The following STAG1 variants were observed in gnomAD, a reference collection of about 807,000 sequenced individuals.
STAG1 encodes cohesin subunit SA-1.
STAG1 carries 26 observed loss-of-function variants against 170.9 expected under a neutral mutation model. The observed-to-expected ratio is 0.15, with a 90% CI of 0.11 to 0.21. The LOEUF (loss-of-function observed/expected upper bound fraction) is 0.21, where lower values mean the gene tolerates loss of function less well. STAG1 is among the 10% of genes least tolerant of loss of function. STAG1 has a pLI of 1.00. For missense variants in STAG1, 964 were observed against 1,509.5 expected (o/e 0.64, Z 5.99); for synonymous variants, 514 against 497.7 (o/e 1.03, Z -0.44).
rs769130382 is a variant in STAG1, at chr3:136,338,296, A to G, written c.3754-19T>C. 1.1e-5 allele frequency: 18 copies of G among 1,601,840 alleles called. No individual in the cohort carries two copies. Among genetic ancestry groups the G allele is most frequent in the Non-Finnish European group, 1.5e-5 (18 of 1,169,828 alleles). On this transcript the variant is annotated intron_variant, in intron 33 of 33. Coordinates refer to ENST00000383202, the MANE Select transcript of STAG1 (RefSeq NM_005862.3). ...CAAATCCCTAGAAAAATGATGAGAA[A>G]CATAATTATTAATTTCATGCATAAA...
chr3:136,465,129 T>C (rs1457491389), intron 12 of STAG1, 141 bp from the exon 13 acceptor site: 2 of 555,992 alleles, frequency 3.6e-6, no homozygotes, highest in Non-Finnish European at 6.0e-6. Flanking sequence ...TTGAAAGTAA[T>C]GTTTCCCCTT....
chr3:136,569,697 G>C (rs966420634), intron 4 of STAG1, among the ~76,000 whole-genome samples: 1 of 151,826 alleles, frequency 6.6e-6, no homozygotes, highest in Non-Finnish European at 1.5e-5. Context: ...AATTTGACAA[G>C]GTAGCTGACA....
intron 1 of STAG1, among the ~76,000 whole-genome samples, chr3:136,705,375 TCAAACACACACA>T (rs1232007537): frequency 3.9e-5 from 4 of 102,630 alleles, no homozygotes; most frequent in Non-Finnish European, 7.4e-5. Flanking sequence ...CACATGATCA[TCAAACACACACA>T]CACACACACA....
At chr3:136,648,393 T>C (rs1382103817) in intron 1 of STAG1, among the ~76,000 whole-genome samples, 3 of 152,216 alleles carry the variant, frequency 2.0e-5, no homozygotes, top group Non-Finnish European at 4.4e-5. Flanking sequence ...GTAAAAAGGT[T>C]GTTAACATTA....
At chr3:136,546,566 G>T (rs1038266004) in intron 5 of STAG1, among the ~76,000 whole-genome samples, 2 of 152,060 alleles carry the variant, frequency 1.3e-5, no homozygotes, top group Admixed American at 1.3e-4. Context: ...ACCTTTCATC[G>T]CATGGTATGG....
chr3:136,416,931 C>T (rs1344258046), intron 21 of STAG1, among the ~76,000 whole-genome samples: 1 of 151,322 alleles, frequency 6.6e-6, no homozygotes, highest in Non-Finnish European at 1.5e-5. Context: ...CTCCAACCTC[C>T]GTCTCCCAGG....
At chr3:136,446,643 G>A (rs561642730) in intron 14 of STAG1, among the ~76,000 whole-genome samples, 1 of 152,102 alleles carries the variant, frequency 6.6e-6, no homozygotes, top group East Asian at 1.9e-4. Flanking sequence ...GGCTGGTCCT[G>A]AACTCCTGAC....
intron 6 of STAG1, among the ~76,000 whole-genome samples, chr3:136,541,046 T>C (rs1175299137): frequency 1.3e-5 from 2 of 152,100 alleles, no homozygotes; most frequent in Middle Eastern, 3.4e-3. Flanking sequence ...AACTAGTAGT[T>C]CCCAAGCTTT....
At chr3:136,463,298 C>T (rs1411105484) in intron 13 of STAG1, among the ~76,000 whole-genome samples, 2 of 152,038 alleles carry the variant, frequency 1.3e-5, no homozygotes, top group African/African-American at 4.8e-5. Context: ...TTGAGAGGTA[C>T]AAGTGAGTAG....
chr3:136,713,135 T>C (rs527546394), intron 1 of STAG1, among the ~76,000 whole-genome samples: 1 of 152,238 alleles, frequency 6.6e-6, no homozygotes, highest in Admixed American at 6.5e-5. Flanking sequence ...ATACTTACAA[T>C]GGTCCCAAAC....
intron 1 of STAG1, among the ~76,000 whole-genome samples, chr3:136,649,503 C>CAAAAAAAAAAAAAAA (rs761067087): frequency 2.8e-5 from 2 of 70,870 alleles, no homozygotes; most frequent in Non-Finnish European, 3.0e-5. Flanking sequence ...AAAACAGAAA[C>CAAAAAAAAAAAAAAA]AAAAAAAAAA....
chr3:136,398,768 G>A lies in STAG1; in HGVS notation c.2258C>T (p.Thr753Ile), dbSNP rs2087239173. Residue 753 changes from threonine (T) to isoleucine (I), a missense_variant, in exon 22 of 34, where the codon ACT becomes ATT. Around this residue, in one of 11 missense-constraint regions of STAG1, gnomAD observed 232 missense variants for 313.0 expected, o/e 0.74. Transcript: ENST00000383202. Reference protein sequence around the residue: ...YSILWQLVKITDGSPSKEDLL... With the variant: ...YSILWQLVKIIDGSPSKEDLL... ...ACTTACTTTGGAAGGAGAGCCATCA[G>A]TAATTTTCACCAACTGCCAAAGAAT... 3.1e-6 allele frequency: 5 copies of A among 1,603,552 alleles called. No homozygotes were observed.
chr3:136,416,073 T>C (rs2087763390), intron 21 of STAG1, among the ~76,000 whole-genome samples: 3 of 151,842 alleles, frequency 2.0e-5, no homozygotes. Flanking sequence ...AGTGGTACAA[T>C]CTCTGCTCAC....
At chr3:136,379,590 T>C (rs1452706378) in intron 22 of STAG1, among the ~76,000 whole-genome samples, 1 of 152,076 alleles carries the variant, frequency 6.6e-6, no homozygotes, top group Non-Finnish European at 1.5e-5. Flanking sequence ...ATGCCTGTAA[T>C]CCCAGCTACT....
chr3:136,570,427 A>G (rs557127531), intron 4 of STAG1, among the ~76,000 whole-genome samples: 1 of 152,322 alleles, frequency 6.6e-6, no homozygotes, highest in East Asian at 1.9e-4. Flanking sequence ...ACCACAATCT[A>G]TCACCCATTT....
chr3:136,536,620 C>T (rs949586419), intron 6 of STAG1, among the ~76,000 whole-genome samples: 1 of 147,608 alleles, frequency 6.8e-6, no homozygotes, highest in African/African-American at 2.5e-5. Flanking sequence ...AGAATCGCTT[C>T]AACTCGGGAG....
At chr3:136,597,168 T>C (rs771150476) in intron 4 of STAG1, among the ~76,000 whole-genome samples, 1 of 152,158 alleles carries the variant, frequency 6.6e-6, no homozygotes, top group Non-Finnish European at 1.5e-5. Context: ...TTTTTGTTAG[T>C]ATAAACAAAG....
In STAG1 at chr3:136,720,619, G is replaced by A. The variant is rs59318336; in HGVS notation, c.-84+31576C>T. On this transcript the variant is annotated intron_variant, in intron 1 of 33. Coordinates refer to ENST00000383202, the MANE Select transcript of STAG1 (RefSeq NM_005862.3). Reference sequence around the variant, plus strand: ...AGCCTGGCCAACATGGCAAAACCCTGTCTCTACTAAAAATACAAAAATTAG... The same window carrying A: ...AGCCTGGCCAACATGGCAAAACCCTATCTCTACTAAAAATACAAAAATTAG... 4.7e-3 allele frequency among the ~76,000 whole-genome samples: 720 copies of A among 152,136 alleles called. 8 individuals carry two copies. The highest frequency in any genetic ancestry group is 0.017 in the African/African-American group (701 of 41,502).
At chr3:136,618,632 A>G (rs1475963522) in intron 3 of STAG1, among the ~76,000 whole-genome samples, 1 of 152,188 alleles carries the variant, frequency 6.6e-6, no homozygotes, top group Non-Finnish European at 1.5e-5. Context: ...AAGGTTAGAG[A>G]GGTGCTGATT....
Sources: gnomAD v4.1 joint callset for allele counts (sites outside exome capture counted in the v4.1 genomes callset) on GRCh38, gnomAD v4.1.1 for gene constraint, gnomAD v4.1.1 regional missense constraint, MANE v1.5 for transcripts, NCBI Gene and HGNC (gene_info 2026-07-23, HGNC 2026-07-21) for gene names.